Variants in SLC13A1 observed in about 807,000 individuals in gnomAD.
SLC13A1 encodes solute carrier family 13 member 1, also known as Na(+)/sulfate cotransporter.
SLC13A1 carries 65 observed loss-of-function variants against 70.0 expected under a neutral mutation model. That is an observed-to-expected ratio of 0.93 (90% CI 0.76 to 1.14). SLC13A1 has a LOEUF of 1.14. Among genes scored for constraint, SLC13A1 ranks in the 50% most tolerant of loss-of-function variants. The pLI is 0.00. For missense variants in SLC13A1, 726 were observed against 717.8 expected (o/e 1.01, Z -0.13); for synonymous variants, 275 against 250.5 (o/e 1.10, Z -0.92).
At chr7:123,158,812 A>T (rs1794794013) in intron 6 of SLC13A1, among the ~76,000 whole-genome samples, 1 of 152,138 alleles carries the variant, frequency 6.6e-6, no homozygotes, top group Non-Finnish European at 1.5e-5. Context: ...AAAATAAAAA[A>T]TAATAACCTA....
At chr7:123,191,928 G>A (rs1424526544) in intron 1 of SLC13A1, among the ~76,000 whole-genome samples, 1 of 152,098 alleles carries the variant, frequency 6.6e-6, no homozygotes, top group Non-Finnish European at 1.5e-5. Context: ...GAGTGAGTAA[G>A]GTTCTTCTTT....
intron 11 of SLC13A1, 63 bp downstream of exon 11, chr7:123,125,506 A>G: frequency 8.2e-7 from 1 of 1,219,338 alleles, no homozygotes; most frequent in South Asian, 1.3e-5. Flanking sequence ...AAGCGAAACC[A>G]ATGGAATTTT....
intron 1 of SLC13A1, among the ~76,000 whole-genome samples, chr7:123,195,111 C>T (rs571359147): frequency 6.6e-6 from 1 of 152,230 alleles, no homozygotes; most frequent in African/African-American, 2.4e-5. Flanking sequence ...ATTCATCTGG[C>T]ACAACACTTT....
chr7:123,147,866 C>T (rs1463908572), intron 6 of SLC13A1, among the ~76,000 whole-genome samples: 1 of 152,064 alleles, frequency 6.6e-6, no homozygotes, highest in African/African-American at 2.4e-5. Flanking sequence ...CAACTCTTCC[C>T]CCATGTCTTT....
intron 12 of SLC13A1, among the ~76,000 whole-genome samples, 184 bp downstream of exon 12, chr7:123,122,942 G>C (rs751876658): frequency 2.0e-5 from 3 of 152,034 alleles, no homozygotes; most frequent in Admixed American, 2.0e-4. Flanking sequence ...TATGCTTGCA[G>C]CCTGTAATAT....
At chr7:123,181,350 A>G (rs1044127030) in intron 1 of SLC13A1, among the ~76,000 whole-genome samples, 3 of 152,170 alleles carry the variant, frequency 2.0e-5, no homozygotes, top group African/African-American at 7.2e-5. Context: ...ATTTCCCTCA[A>G]AAGAGATAAT....
chr7:123,116,620 A>T (rs940438888), intron 14 of SLC13A1, among the ~76,000 whole-genome samples: 2 of 152,196 alleles, frequency 1.3e-5, no homozygotes, highest in Non-Finnish European at 2.9e-5. Flanking sequence ...TAATACACAT[A>T]CATCAGGCAT....
intron 1 of SLC13A1, among the ~76,000 whole-genome samples, chr7:123,199,254 T>C (rs2116706650): frequency 6.6e-6 from 1 of 152,222 alleles, no homozygotes; most frequent in East Asian, 1.9e-4. Flanking sequence ...TGCTTACAAG[T>C]ACACCACAAT....
chr7:123,199,696 G>A, intron 1 of SLC13A1, 152 bp downstream of exon 1: 1 of 587,000 alleles, frequency 1.7e-6, no homozygotes, highest in Non-Finnish European at 3.0e-6. Context: ...GGAGAAAATG[G>A]CCAAAACATC....
intron 7 of SLC13A1, among the ~76,000 whole-genome samples, chr7:123,142,092 TC>T (rs1424136533): frequency 6.6e-6 from 1 of 152,164 alleles, no homozygotes; most frequent in Non-Finnish European, 1.5e-5. Context: ...TTTTTATTTT[TC>T]ATGTATAGGG....
chr7:123,148,558 T>C, intron 6 of SLC13A1: 2 of 412,960 alleles, frequency 4.8e-6, no homozygotes, highest in Non-Finnish European at 4.8e-6. Flanking sequence ...CTTTGTTGGT[T>C]TGATTCTTCC....
At position 123,119,254 on chromosome 7, in the gene SLC13A1, AT is replaced by A; in HGVS notation, c.1351-13del. 6.4e-7 allele frequency: 1 copy of A among 1,556,844 alleles called. No homozygotes were observed. Among genetic ancestry groups the A allele is most frequent in the Non-Finnish European group, 8.8e-7 (1 of 1,142,778 alleles). On this transcript the variant is annotated splice_polypyrimidine_tract_variant and intron_variant, in intron 12 of 14. Transcript: ENST00000194130. ...GATAATCCAGACTCCTAAAAAACAA[AT>A]TTGCAATATTTGTTACTCATGAATA... is the stretch of plus-strand genomic sequence containing the variant.
chr7:123,125,087 A>G (rs184249655), intron 11 of SLC13A1, among the ~76,000 whole-genome samples: 5 of 152,032 alleles, frequency 3.3e-5, no homozygotes, highest in African/African-American at 1.2e-4. Context: ...TGGCCCTTTT[A>G]TTTCAGCTGT....
At chr7:123,116,416 A>G (rs1274912000) in intron 14 of SLC13A1, among the ~76,000 whole-genome samples, 2 of 152,200 alleles carry the variant, frequency 1.3e-5, no homozygotes, top group African/African-American at 2.4e-5. Context: ...GACAGAGAAC[A>G]TATGGCCCCA....
At chr7:123,118,308 A>G (rs1216184199) in intron 13 of SLC13A1, among the ~76,000 whole-genome samples, 7 of 152,182 alleles carry the variant, frequency 4.6e-5, no homozygotes, top group African/African-American at 1.7e-4. Context: ...AAAAAGCAGA[A>G]AACAACACAA....
intron 8 of SLC13A1, among the ~76,000 whole-genome samples, chr7:123,131,720 C>T (rs1252777328): frequency 1.3e-5 from 2 of 152,138 alleles, no homozygotes; most frequent in African/African-American, 4.8e-5. Flanking sequence ...CAGAAAAGGA[C>T]ACTGAAAAAT....
intron 13 of SLC13A1, among the ~76,000 whole-genome samples, chr7:123,118,151 T>A (rs1240502657): frequency 6.6e-6 from 1 of 152,082 alleles, no homozygotes; most frequent in Non-Finnish European, 1.5e-5. Context: ...TCCCTGTGGC[T>A]CCAGCAGTTC....
intron 1 of SLC13A1, among the ~76,000 whole-genome samples, chr7:123,197,956 C>A (rs1447919811): frequency 2.0e-5 from 3 of 152,032 alleles, no homozygotes; most frequent in African/African-American, 7.2e-5. Flanking sequence ...GTAAAAAGAG[C>A]AGCACAGATG....
intron 3 of SLC13A1, among the ~76,000 whole-genome samples, chr7:123,170,200 T>C (rs1325134304): frequency 6.6e-6 from 1 of 152,166 alleles, no homozygotes; most frequent in Non-Finnish European, 1.5e-5. Flanking sequence ...TCTGACACCC[T>C]TTTAAAACAG....
Sources: gnomAD v4.1 joint callset for allele counts (sites outside exome capture counted in the v4.1 genomes callset) on GRCh38, gnomAD v4.1.1 for gene constraint, MANE v1.5 for transcripts, NCBI Gene and HGNC (gene_info 2026-07-23, HGNC 2026-07-21) for gene names.